The following MMP16 variants were observed in gnomAD, a reference collection of about 807,000 sequenced individuals.
The protein encoded by MMP16 is matrix metalloproteinase-16.
In MMP16, 12 loss-of-function variants were observed where a neutral mutation model predicts 67.8. That is an observed-to-expected ratio of 0.18 (90% CI 0.11 to 0.29). The LOEUF (loss-of-function observed/expected upper bound fraction) is 0.29. MMP16 is among the 10% of genes least tolerant of loss of function. The probability of loss-of-function intolerance (pLI) is 1.00; values close to 1 mark genes in which losing one functional copy is unlikely to be tolerated. For synonymous variants in MMP16, 249 were observed against 255.9 expected (o/e 0.97, Z 0.26); for missense variants, 475 against 765.7 (o/e 0.62, Z 4.48).
At chr8:88,313,891 C>A (rs1446865306) in intron 1 of MMP16, among the ~76,000 whole-genome samples, 1 of 152,080 alleles carries the variant, frequency 6.6e-6, no homozygotes, top group Non-Finnish European at 1.5e-5. Context: ...AACCATAGAA[C>A]CATCAGATCT....
chr8:88,068,528 C>G (rs901322307), intron 7 of MMP16, among the ~76,000 whole-genome samples: 2 of 151,864 alleles, frequency 1.3e-5, no homozygotes, highest in African/African-American at 4.8e-5. Context: ...TAGATTCAGC[C>G]TTTACATTTA....
chr8:88,070,234 A>G (rs1469158473), intron 7 of MMP16, among the ~76,000 whole-genome samples: 1 of 152,146 alleles, frequency 6.6e-6, no homozygotes, highest in African/African-American at 2.4e-5. Flanking sequence ...CTGTATCCCT[A>G]TAAATATTCT....
intron 1 of MMP16, among the ~76,000 whole-genome samples, chr8:88,316,619 T>C (rs1431537983): frequency 6.6e-6 from 1 of 152,170 alleles, no homozygotes; most frequent in African/African-American, 2.4e-5. Flanking sequence ...ACTGACAACA[T>C]ATCTGGTCAC....
chr8:88,213,804 A>C (rs1205309777), intron 1 of MMP16, among the ~76,000 whole-genome samples: 1 of 152,156 alleles, frequency 6.6e-6, no homozygotes, highest in Admixed American at 6.6e-5. Context: ...GTAAAAATTA[A>C]CCATAAATAT....
intron 6 of MMP16, among the ~76,000 whole-genome samples, chr8:88,091,347 A>G (rs1808932631): frequency 6.6e-6 from 1 of 151,874 alleles, no homozygotes; most frequent in South Asian, 2.1e-4. Flanking sequence ...CTAGTCAGAT[A>G]CAGTAGAAAT....
At chr8:88,090,643 A>T (rs1808918113) in intron 6 of MMP16, among the ~76,000 whole-genome samples, 1 of 149,328 alleles carries the variant, frequency 6.7e-6, no homozygotes. Flanking sequence ...AATTTTTAAA[A>T]TTTTAATTAA....
chr8:88,178,125 T>C (rs1311763562), intron 3 of MMP16, among the ~76,000 whole-genome samples: 1 of 152,154 alleles, frequency 6.6e-6, no homozygotes, highest in African/African-American at 2.4e-5. Context: ...TCATTTCCTA[T>C]TACTCAATAT....
intron 4 of MMP16, among the ~76,000 whole-genome samples, chr8:88,153,830 C>A (rs1808455684): frequency 6.6e-6 from 1 of 151,596 alleles, no homozygotes; most frequent in Non-Finnish European, 1.5e-5. Flanking sequence ...TCCAAAACAC[C>A]AAAAGCAATG....
intron 7 of MMP16, among the ~76,000 whole-genome samples, chr8:88,057,541 G>T (rs1808346715): frequency 6.6e-6 from 1 of 152,056 alleles, no homozygotes; most frequent in African/African-American, 2.4e-5. Context: ...GCAAAGTAAG[G>T]TGTCCCAACG....
chr8:88,036,518 A>G lies in MMP16; in HGVS notation c.*4943T>C, dbSNP rs1808056317. 1 of 151,830 alleles carries G rather than the reference A, an allele frequency of 6.6e-6. No homozygotes were observed. The highest frequency in any genetic ancestry group is 2.1e-4 in the South Asian group (1 of 4,834). The allele number at this position is 151,830 out of a possible 1,614,324, so 9.4% of individuals were successfully genotyped here. A position where few individuals can be genotyped will look rare whatever the true frequency, so the allele number is the denominator to read the frequency against. On this transcript the variant is annotated 3_prime_UTR_variant, in exon 10 of 10. Coordinates refer to ENST00000286614, the MANE Select transcript of MMP16 (RefSeq NM_005941.5). ...CATAAAATTCTAATTTTTAAGATAT[A>G]ACTGTTAAAAATTTTCTGATGTAGT... is the stretch of plus-strand genomic sequence containing the variant.
chr8:88,196,789 A>G (rs1809263837), intron 2 of MMP16, among the ~76,000 whole-genome samples: 1 of 152,070 alleles, frequency 6.6e-6, no homozygotes. Flanking sequence ...TCCTAATATG[A>G]TACCAATGAA....
intron 1 of MMP16, among the ~76,000 whole-genome samples, chr8:88,203,163 G>A (rs2129796605): frequency 7.0e-6 from 1 of 143,358 alleles, no homozygotes; most frequent in South Asian, 2.2e-4. Flanking sequence ...GAGTGCAGTG[G>A]TGTAATCTTG....
chr8:88,274,811 T>C (rs1481081108), intron 1 of MMP16, among the ~76,000 whole-genome samples: 2 of 151,982 alleles, frequency 1.3e-5, no homozygotes, highest in Non-Finnish European at 2.9e-5. Context: ...AATTACATGA[T>C]AGAAAATAAA....
intron 1 of MMP16, among the ~76,000 whole-genome samples, chr8:88,249,828 G>A (rs570461294): frequency 2.0e-5 from 3 of 152,084 alleles, no homozygotes; most frequent in Non-Finnish European, 4.4e-5. Flanking sequence ...AGAAGGAACT[G>A]TGTCCAACTA....
chr8:88,217,308 C>T (rs1200113168), intron 1 of MMP16, among the ~76,000 whole-genome samples: 1 of 152,082 alleles, frequency 6.6e-6, no homozygotes, highest in Non-Finnish European at 1.5e-5. Context: ...TGTGGGAATA[C>T]ACGCATGTAT....
chr8:88,201,935 T>C (rs1669375167), intron 1 of MMP16, among the ~76,000 whole-genome samples: 2 of 152,158 alleles, frequency 1.3e-5, no homozygotes, highest in African/African-American at 4.8e-5. Context: ...AAAATGGCTA[T>C]AAATGTGAAT....
chr8:88,301,263 C>T (rs906717484), intron 1 of MMP16, among the ~76,000 whole-genome samples: 1 of 152,118 alleles, frequency 6.6e-6, no homozygotes, highest in African/African-American at 2.4e-5. Flanking sequence ...CTCTCGTTCC[C>T]TCAATATACC....
intron 1 of MMP16, among the ~76,000 whole-genome samples, chr8:88,273,071 T>C (rs1379066604): frequency 6.6e-6 from 1 of 151,578 alleles, no homozygotes; most frequent in Non-Finnish European, 1.5e-5. Flanking sequence ...TTTGAATAGC[T>C]AAATAGAAAA....
In MMP16 at chr8:88,186,584, G is replaced by A. The variant is rs773090533; in HGVS notation, c.296C>T (p.Pro99Leu). The change falls in exon 3 of 10, where the codon CCC becomes CTC. Residue 99 changes from proline (P) to leucine (L), a missense_variant. Pro to Leu is a moderately conservative substitution (Grantham distance 98). Coordinates refer to ENST00000286614, the MANE Select transcript of MMP16 (RefSeq NM_005941.5). ...DRNTIDWMKK[P>L]RCGVPDQTRG... ...TGTCTGGTCAGGTACACCGCATCGG[G>A]GCTTCTTCATCCAGCTGCAAAAAAA... is the stretch of plus-strand genomic sequence containing the variant. 1.3e-5 allele frequency: 21 copies of A among 1,576,176 alleles called. No homozygotes were observed. Among genetic ancestry groups the A allele is most frequent in the Non-Finnish European group, 1.6e-5 (19 of 1,166,574 alleles).
Sources: gnomAD v4.1 joint callset for allele counts (sites outside exome capture counted in the v4.1 genomes callset) on GRCh38, gnomAD v4.1.1 for gene constraint, MANE v1.5 for transcripts, NCBI Gene and HGNC (gene_info 2026-07-23, HGNC 2026-07-21) for gene names.